Variants in MAP3K20 observed in about 807,000 individuals in gnomAD.
MAP3K20 encodes the protein HCCS-4.
MAP3K20 carries 40 observed loss-of-function variants against 85.7 expected under a neutral mutation model. The ratio of observed to expected loss-of-function variants is 0.47; its 90% CI spans 0.36 to 0.61. The LOEUF (loss-of-function observed/expected upper bound fraction) is 0.61, where lower values mean the gene tolerates loss of function less well. Ranked by LOEUF, MAP3K20 falls within the 20% of genes least tolerant of loss-of-function variation. The probability of loss-of-function intolerance (pLI) is 0.00; values close to 1 mark genes in which losing one functional copy is unlikely to be tolerated. For missense variants in MAP3K20, 817 were observed against 961.7 expected, an observed-to-expected ratio of 0.85 and a Z score of 1.99; for synonymous variants, 325 against 327.7, an observed-to-expected ratio of 0.99 and a Z score of 0.09.
At chr2:173,165,925 C>T (rs552370709) in intron 2 of MAP3K20, among the ~76,000 whole-genome samples, 2 of 152,310 alleles carry the variant, frequency 1.3e-5, no homozygotes, top group African/African-American at 4.8e-5. Context: ...CTTCTCCTGC[C>T]TCAGCCTCCC....
chr2:173,091,767 G>A (rs1209307577), intron 2 of MAP3K20, among the ~76,000 whole-genome samples: 2 of 152,158 alleles, frequency 1.3e-5, no homozygotes, highest in African/African-American at 4.8e-5. Flanking sequence ...AAAGGGTCTT[G>A]GCTTTCAGAG....
intron 2 of MAP3K20, among the ~76,000 whole-genome samples, chr2:173,111,481 G>A (rs1053621777): frequency 2.0e-4 from 31 of 152,104 alleles, no homozygotes; most frequent in Non-Finnish European, 2.5e-4. Flanking sequence ...TGGGTTCTTG[G>A]TCATGAAATC....
At chr2:173,211,763 A>C (rs1683902378) in intron 10 of MAP3K20, 1 of 152,158 alleles carries the variant, frequency 6.6e-6, no homozygotes, top group South Asian at 2.1e-4. Flanking sequence ...AAATACAAAA[A>C]ATTAGCCAGG....
Position 173,118,467 on chromosome 2 carries a change from G to A in MAP3K20, c.159+27277G>A, listed in dbSNP as rs528786667. Among the ~76,000 whole-genome samples the A allele has an allele frequency of 1.2e-4, 19 of 152,206 alleles. No individual in the cohort carries two copies. The East Asian group carries it at 2.9e-3, about 23-fold the overall frequency. Reference sequence around the variant, plus strand: ...GTAACATATAAATATTCTATGTTTTGGTTTTTTGAGGGGGGTGACTGTGCA... The same window carrying A: ...GTAACATATAAATATTCTATGTTTTAGTTTTTTGAGGGGGGTGACTGTGCA... On this transcript the variant is annotated intron_variant, in intron 2 of 19. Coordinates refer to ENST00000375213, the MANE Select transcript of MAP3K20 (RefSeq NM_016653.3).
At chr2:173,139,296 C>T (rs1256507790) in intron 2 of MAP3K20, among the ~76,000 whole-genome samples, 3 of 152,078 alleles carry the variant, frequency 2.0e-5, no homozygotes, top group Non-Finnish European at 2.9e-5. Context: ...TAATGTCCTC[C>T]GAAACATTAC....
intron 2 of MAP3K20, among the ~76,000 whole-genome samples, chr2:173,158,349 G>A (rs570635824): frequency 3.0e-4 from 45 of 152,270 alleles, no homozygotes; most frequent in Admixed American, 2.4e-3. Flanking sequence ...GAGAAAGGGG[G>A]AGGAGAATAT....
chr2:173,117,302 A>C (rs568264601), intron 2 of MAP3K20, among the ~76,000 whole-genome samples: 21 of 152,198 alleles, frequency 1.4e-4, no homozygotes, highest in Middle Eastern at 6.8e-3. Flanking sequence ...TTTTTGAGAC[A>C]CCATCTCACT....
intron 1 of MAP3K20, among the ~76,000 whole-genome samples, chr2:173,087,856 TG>T (rs1687184625): frequency 6.6e-6 from 1 of 152,088 alleles, no homozygotes; most frequent in African/African-American, 2.4e-5. Flanking sequence ...GAGATATGTG[TG>T]TCATCAAAAC....
rs1238769122 is a variant in MAP3K20, at chr2:173,105,266, G to T, written c.159+14076G>T. 2.0e-5 allele frequency among the ~76,000 whole-genome samples: 3 copies of T among 152,174 alleles called. No homozygotes were observed. The South Asian group carries it at 6.2e-4, about 32-fold the overall frequency. On this transcript the variant is annotated intron_variant, in intron 2 of 19. Transcript: ENST00000375213. Reference sequence around the variant, plus strand: ...TGGGGCTAGGAAGGTTGCAGTGGAGGCAGTGAGAAGTGGTTGAATTTGGGG... The same window carrying T: ...TGGGGCTAGGAAGGTTGCAGTGGAGTCAGTGAGAAGTGGTTGAATTTGGGG...
chr2:173,240,017 T>C (rs961587947), intron 16 of MAP3K20, among the ~76,000 whole-genome samples: 1 of 152,210 alleles, frequency 6.6e-6, no homozygotes, highest in Non-Finnish European at 1.5e-5. Context: ...ATTAGAATTA[T>C]AGTAGGTTTG....
At chr2:173,149,168 C>T (rs1033093217) in intron 2 of MAP3K20, among the ~76,000 whole-genome samples, 2 of 152,178 alleles carry the variant, frequency 1.3e-5, no homozygotes. Context: ...CATGGATGTA[C>T]TCATTTAATG....
At chr2:173,108,861 T>C (rs34702663) in intron 2 of MAP3K20, among the ~76,000 whole-genome samples, 42,029 of 152,126 alleles carry the variant, frequency 0.28, 7,378 homozygotes, top group Non-Finnish European at 0.39. Context: ...ATTTTTATAA[T>C]CAGAACAAAA....
chr2:173,236,769 G>A (rs1249335828), intron 14 of MAP3K20, among the ~76,000 whole-genome samples: 1 of 152,186 alleles, frequency 6.6e-6, no homozygotes, highest in Non-Finnish European at 1.5e-5. Flanking sequence ...GGAGGGCCCT[G>A]CATAGACTCT....
chr2:173,255,480 G>GA (rs1473614029), intron 16 of MAP3K20, among the ~76,000 whole-genome samples: 1 of 152,190 alleles, frequency 6.6e-6, no homozygotes, highest in Non-Finnish European at 1.5e-5. Context: ...CGTCTAAAGG[G>GA]AAAATAGTCC....
intron 1 of MAP3K20, among the ~76,000 whole-genome samples, chr2:173,077,520 G>T (rs1016419146): frequency 6.6e-6 from 1 of 152,036 alleles, no homozygotes; most frequent in African/African-American, 2.4e-5. Context: ...TGGGAAAACA[G>T]AATTAAGATA....
intron 2 of MAP3K20, among the ~76,000 whole-genome samples, chr2:173,137,879 C>G (rs1355200676): frequency 6.6e-6 from 1 of 152,172 alleles, no homozygotes; most frequent in East Asian, 1.9e-4. Flanking sequence ...GAACAATTAC[C>G]TAGCAATTTC....
At chr2:173,152,298 A>G (rs1574060824) in intron 2 of MAP3K20, among the ~76,000 whole-genome samples, 1 of 152,206 alleles carries the variant, frequency 6.6e-6, no homozygotes, top group South Asian at 2.1e-4. Flanking sequence ...CTTGAAGGTC[A>G]TATTTAGCTG....
rs192718552 is a variant in MAP3K20, at chr2:173,094,159, C to T, written c.159+2969C>T. Among the ~76,000 whole-genome samples the T allele has an allele frequency of 1.7e-3, 257 of 149,462 alleles. 1 individual carries two copies. The highest frequency in any genetic ancestry group is 6.2e-3 in the African/African-American group (251 of 40,700). ...TATAATAAAAAAAAATTTTTTTAAA[C>T]CTAGAGAACAATTAAAAGAATACTA... On this transcript the variant is annotated intron_variant, in intron 2 of 19. Coordinates refer to ENST00000375213, the MANE Select transcript of MAP3K20 (RefSeq NM_016653.3).
chr2:173,105,739 A>G (rs1015847148), intron 2 of MAP3K20, among the ~76,000 whole-genome samples: 6 of 152,170 alleles, frequency 3.9e-5, no homozygotes, highest in African/African-American at 1.4e-4. Context: ...TAGAATAGAG[A>G]TTACCAGGGG....
Sources: gnomAD v4.1 joint callset for allele counts (sites outside exome capture counted in the v4.1 genomes callset) on GRCh38, gnomAD v4.1.1 for gene constraint, MANE v1.5 for transcripts, NCBI Gene and HGNC (gene_info 2026-07-23, HGNC 2026-07-21) for gene names.